Variants in EEFSEC observed in about 807,000 individuals in gnomAD.
EEFSEC encodes eukaryotic elongation factor, selenocysteine-tRNA specific.
In EEFSEC, 43 loss-of-function variants were observed where a neutral mutation model predicts 42.1. That is an observed-to-expected ratio of 1.02 (90% confidence interval 0.80 to 1.32). EEFSEC has a LOEUF of 1.32. Among genes scored for constraint, EEFSEC ranks in the 40% most tolerant of loss-of-function variants. EEFSEC has a pLI of 0.00. For missense variants in EEFSEC, 745 were observed against 803.6 expected (o/e 0.93, Z 0.88); for synonymous variants, 354 against 339.1 (o/e 1.04, Z -0.48).
chr3:128,268,588 A>G (rs1170007736), intron 4 of EEFSEC, among the ~76,000 whole-genome samples: 1 of 152,152 alleles, frequency 6.6e-6, no homozygotes, highest in Non-Finnish European at 1.5e-5. Flanking sequence ...AGAAGAAATC[A>G]TCCTGGATTA....
chr3:128,211,247 A>G (rs2065753248), intron 1 of EEFSEC, among the ~76,000 whole-genome samples: 1 of 152,068 alleles, frequency 6.6e-6, no homozygotes, highest in Admixed American at 6.5e-5. Flanking sequence ...TAGGAAGGCT[A>G]TTTATTATTA....
intron 4 of EEFSEC, among the ~76,000 whole-genome samples, chr3:128,294,512 A>G (rs1487021875): frequency 2.0e-5 from 3 of 152,218 alleles, no homozygotes; most frequent in African/African-American, 7.2e-5. Context: ...AGTTGTGCCA[A>G]GTGCCCCCTC....
At chr3:128,425,905 C>A in the EEFSEC span, among the ~76,000 whole-genome samples, 1 of 152,108 alleles carries the variant, frequency 6.6e-6, no homozygotes, top group Non-Finnish European at 1.5e-5. Context: ...CATCCAAGAT[C>A]CGGGGGAAGG....
At chr3:128,228,206 C>G (rs2065926575) in intron 1 of EEFSEC, among the ~76,000 whole-genome samples, 1 of 152,176 alleles carries the variant, frequency 6.6e-6, no homozygotes, top group Non-Finnish European at 1.5e-5. Context: ...GCCCAGGTCC[C>G]TGTCCCAGTG....
intron 6 of EEFSEC, among the ~76,000 whole-genome samples, chr3:128,358,938 G>C (rs1419569485): frequency 6.6e-6 from 1 of 152,140 alleles, no homozygotes; most frequent in African/African-American, 2.4e-5. Context: ...AATCACTTGT[G>C]CATTTATTCA....
intron 6 of EEFSEC, among the ~76,000 whole-genome samples, chr3:128,393,377 G>A (rs926816283): frequency 1.3e-5 from 2 of 152,218 alleles, no homozygotes; most frequent in Non-Finnish European, 2.9e-5. Flanking sequence ...GTCCCAGATG[G>A]GAGTCCTGGC....
chr3:128,170,054 G>A (rs1026290243), intron 1 of EEFSEC, among the ~76,000 whole-genome samples: 1 of 152,184 alleles, frequency 6.6e-6, no homozygotes, highest in South Asian at 2.1e-4. Context: ...GTGTGAAGGC[G>A]TGGGTGCAGA....
intron 6 of EEFSEC, among the ~76,000 whole-genome samples, chr3:128,383,447 C>G (rs189503256): frequency 1.3e-5 from 2 of 152,372 alleles, no homozygotes; most frequent in Admixed American, 1.3e-4. Context: ...TATGAACTCA[C>G]TTGGGCCTTA....
At chr3:128,169,779 A>G (rs535908894) in intron 1 of EEFSEC, among the ~76,000 whole-genome samples, 2 of 152,268 alleles carry the variant, frequency 1.3e-5, no homozygotes, top group African/African-American at 4.8e-5. Flanking sequence ...GACATCAGAG[A>G]TACTAAGTAT....
At chr3:128,269,427 A>T (rs1576594705) in intron 4 of EEFSEC, among the ~76,000 whole-genome samples, 1 of 151,906 alleles carries the variant, frequency 6.6e-6, no homozygotes, top group Non-Finnish European at 1.5e-5. Context: ...ACCTCCTCTC[A>T]CCCCTGCCCT....
the EEFSEC span, among the ~76,000 whole-genome samples, chr3:128,420,495 C>T: frequency 5.9e-5 from 9 of 152,170 alleles, no homozygotes; most frequent in Non-Finnish European, 1.2e-4. Context: ...GAGGTGTGGG[C>T]GCCCTGCTCA....
intron 1 of EEFSEC, among the ~76,000 whole-genome samples, chr3:128,211,396 G>C (rs1266410912): frequency 6.6e-6 from 1 of 152,146 alleles, no homozygotes; most frequent in Non-Finnish European, 1.5e-5. Flanking sequence ...TGGGACTACA[G>C]GTGTGAGCCA....
downstream of EEFSEC, among the ~76,000 whole-genome samples, chr3:128,412,473 T>G (rs2107645203): frequency 6.6e-6 from 1 of 152,344 alleles, no homozygotes; most frequent in African/African-American, 2.4e-5. Flanking sequence ...TGGGGAGGCC[T>G]CCTGCCAAGG....
chr3:128,194,241 C>A (rs2107807531), intron 1 of EEFSEC, among the ~76,000 whole-genome samples: 1 of 152,300 alleles, frequency 6.6e-6, no homozygotes, highest in East Asian at 1.9e-4. Flanking sequence ...CTTGGGACTT[C>A]CGGAGAGCTT....
intron 6 of EEFSEC, among the ~76,000 whole-genome samples, chr3:128,405,850 C>T (rs533749466): frequency 6.6e-6 from 1 of 152,362 alleles, no homozygotes; most frequent in Non-Finnish European, 1.5e-5. Context: ...GGTTCCCAGC[C>T]TGTACAGGCC....
intron 4 of EEFSEC, among the ~76,000 whole-genome samples, chr3:128,286,079 A>G (rs1206202126): frequency 1.3e-5 from 2 of 152,226 alleles, no homozygotes; most frequent in Non-Finnish European, 1.5e-5. Context: ...TGTGTACCCT[A>G]TGCCAAGCTT....
chr3:128,308,936 G>A (rs112674983), intron 4 of EEFSEC, among the ~76,000 whole-genome samples: 39 of 152,348 alleles, frequency 2.6e-4, no homozygotes, highest in African/African-American at 7.0e-4. Flanking sequence ...AAGAGAGTCC[G>A]TGAGGTGTGT....
At chr3:128,308,402 G>A (rs960790701) in intron 4 of EEFSEC, among the ~76,000 whole-genome samples, 1 of 152,214 alleles carries the variant, frequency 6.6e-6, no homozygotes, top group Admixed American at 6.5e-5. Context: ...TACCTACTGT[G>A]TGCCACGTGC....
chr3:128,263,311 C>G (rs759619976), intron 3 of EEFSEC, among the ~76,000 whole-genome samples: 37 of 152,254 alleles, frequency 2.4e-4, no homozygotes, highest in Non-Finnish European at 4.7e-4. Context: ...GATTCAGACC[C>G]AGGTTGATCG....
Sources: allele counts gnomAD v4.1 joint callset (sites outside exome capture counted in the v4.1 genomes callset), GRCh38; gene constraint gnomAD v4.1.1; transcripts MANE v1.5; gene names NCBI Gene and HGNC (gene_info 2026-07-23, HGNC 2026-07-21).